OPCML: variants seen among roughly 807,000 people sequenced by gnomAD.
OPCML encodes the protein opioid-binding protein/cell adhesion molecule.
In OPCML, 13 loss-of-function variants were observed where a neutral mutation model predicts 37.8. The observed-to-expected ratio is 0.34, with a 90% CI of 0.22 to 0.55. The LOEUF (loss-of-function observed/expected upper bound fraction) is 0.55. Among genes scored for constraint, OPCML ranks in the 20% least tolerant of loss-of-function variants. The pLI, the probability that OPCML is intolerant of heterozygous loss-of-function variation, is 0.91. For synonymous variants in OPCML, 176 were observed against 168.8 expected (o/e 1.04, Z -0.33); for missense variants, 341 against 435.6 (o/e 0.78, Z 1.93).
At chr11:132,619,757 C>A (rs1252633026) in intron 3 of OPCML, among the ~76,000 whole-genome samples, 2 of 148,108 alleles carry the variant, frequency 1.4e-5, no homozygotes, top group East Asian at 4.0e-4. Flanking sequence ...GAGGCTGAGG[C>A]AGGAGAATGG....
At chr11:133,292,641 A>T (rs1309308860) in intron 1 of OPCML, among the ~76,000 whole-genome samples, 1 of 152,220 alleles carries the variant, frequency 6.6e-6, no homozygotes, top group Non-Finnish European at 1.5e-5. Context: ...ATTTCCAGCC[A>T]GTGCTCCTCC....
chr11:133,524,713 C>T (rs143654711), intron 1 of OPCML, among the ~76,000 whole-genome samples: 4 of 152,328 alleles, frequency 2.6e-5, no homozygotes, highest in Non-Finnish European at 5.9e-5. Flanking sequence ...TGGTCGGTAG[C>T]TCAGAGCTGG....
chr11:132,910,184 A>C (rs1457945872), intron 2 of OPCML, among the ~76,000 whole-genome samples: 1 of 152,204 alleles, frequency 6.6e-6, no homozygotes, highest in Non-Finnish European at 1.5e-5. Context: ...CCGCAGGACA[A>C]AGGTAAATCT....
chr11:133,092,060 T>G (rs1213126371), intron 1 of OPCML, among the ~76,000 whole-genome samples: 1 of 152,122 alleles, frequency 6.6e-6, no homozygotes, highest in Non-Finnish European at 1.5e-5. Context: ...CCCTCATGAA[T>G]GAGATTAGCA....
At chr11:132,993,047 C>A (rs989235852) in intron 1 of OPCML, among the ~76,000 whole-genome samples, 5 of 152,146 alleles carry the variant, frequency 3.3e-5, no homozygotes, top group Non-Finnish European at 5.9e-5. Context: ...CAGCCCCAGG[C>A]TCCTCTGCAG....
chr11:133,483,301 G>A (rs1947418254), intron 1 of OPCML, among the ~76,000 whole-genome samples: 1 of 147,330 alleles, frequency 6.8e-6, no homozygotes, highest in African/African-American at 2.6e-5. Flanking sequence ...CACTAGAGCT[G>A]ATAGATAGGC....
intron 1 of OPCML, among the ~76,000 whole-genome samples, chr11:133,044,698 G>T (rs904334848): frequency 2.0e-5 from 3 of 152,220 alleles, no homozygotes; most frequent in Non-Finnish European, 2.9e-5. Flanking sequence ...GAGCGGTGAA[G>T]TAGCTTGCCC....
rs561030320 is a variant in OPCML at position 132,869,711 on chromosome 11, G to A, written c.146+73215C>T. Among the ~76,000 whole-genome samples the A allele has an allele frequency of 2.3e-4, 35 of 152,198 alleles. 1 individual carries two copies. The South Asian group carries it at 7.3e-3, about 32-fold the overall frequency. On this transcript the variant is annotated intron_variant, in intron 2 of 7. Coordinates refer to ENST00000524381, the MANE Select transcript of OPCML (RefSeq NM_001012393.5). Reference sequence around the variant, plus strand: ...CATTTTCTCAGCTAAATTCTGAAAGGACAAAACTGTTTTAGCTAATTGTGC... The same window carrying A: ...CATTTTCTCAGCTAAATTCTGAAAGAACAAAACTGTTTTAGCTAATTGTGC...
At chr11:133,043,714 AC>A (rs1375914430) in intron 1 of OPCML, among the ~76,000 whole-genome samples, 2 of 152,168 alleles carry the variant, frequency 1.3e-5, no homozygotes, top group Non-Finnish European at 2.9e-5. Context: ...GCGTGCGGTT[AC>A]TTTTATGTGC....
chr11:132,639,684 C>T (rs758057480), intron 3 of OPCML, among the ~76,000 whole-genome samples: 16 of 152,178 alleles, frequency 1.1e-4, no homozygotes, highest in African/African-American at 1.4e-4. Context: ...TCCAAAGAGA[C>T]CTTTCCTGCT....
At chr11:132,978,563 C>T (rs1478719269) in intron 1 of OPCML, among the ~76,000 whole-genome samples, 1 of 152,108 alleles carries the variant, frequency 6.6e-6, no homozygotes, top group Non-Finnish European at 1.5e-5. Flanking sequence ...CGGGGGTCTG[C>T]AAGGTGTGGC....
intron 2 of OPCML, among the ~76,000 whole-genome samples, chr11:132,872,982 A>C (rs1177073010): frequency 1.3e-5 from 2 of 151,714 alleles, no homozygotes; most frequent in Non-Finnish European, 2.9e-5. Context: ...TAATATACAC[A>C]CATCTATCCT....
intron 3 of OPCML, among the ~76,000 whole-genome samples, chr11:132,549,846 T>A (rs1229329996): frequency 6.6e-6 from 1 of 152,160 alleles, no homozygotes; most frequent in Non-Finnish European, 1.5e-5. Flanking sequence ...CCTATGTAAA[T>A]CAGAGCCCAC....
chr11:133,222,650 G>A (rs562576972), intron 1 of OPCML, among the ~76,000 whole-genome samples: 1 of 152,356 alleles, frequency 6.6e-6, no homozygotes, highest in East Asian at 1.9e-4. Flanking sequence ...GTCCAGCTCT[G>A]TCTGGCCTCT....
At chr11:133,048,664 A>G (rs1484121793) in intron 1 of OPCML, among the ~76,000 whole-genome samples, 1 of 152,178 alleles carries the variant, frequency 6.6e-6, no homozygotes, top group Non-Finnish European at 1.5e-5. Flanking sequence ...GTTCTTACTG[A>G]CAAGATACCC....
chr11:132,612,626 A>G (rs1410313218), intron 3 of OPCML, among the ~76,000 whole-genome samples: 2 of 152,194 alleles, frequency 1.3e-5, no homozygotes. Flanking sequence ...AAAATGGGTC[A>G]AATTGGGAAT....
intron 1 of OPCML, among the ~76,000 whole-genome samples, chr11:133,281,690 A>G (rs911621774): frequency 1.3e-5 from 2 of 152,038 alleles, no homozygotes; most frequent in Non-Finnish European, 2.9e-5. Flanking sequence ...AGAAGAAGAC[A>G]GGAAGATGAG....
chr11:133,027,826 G>GGCGTGTGT (rs1565405488), intron 1 of OPCML, among the ~76,000 whole-genome samples: 2 of 29,000 alleles, frequency 6.9e-5, no homozygotes, highest in Non-Finnish European at 2.0e-4. Context: ...GGGATGTGGG[G>GGCGTGTGT]GGAGGTGGGG....
chr11:133,072,664 G>A (rs1401305208), intron 1 of OPCML, among the ~76,000 whole-genome samples: 2 of 152,182 alleles, frequency 1.3e-5, no homozygotes, highest in African/African-American at 2.4e-5. Flanking sequence ...ACGTATTGGA[G>A]AGGAGTTCGG....
Sources: allele counts gnomAD v4.1 joint callset (sites outside exome capture counted in the v4.1 genomes callset), GRCh38; gene constraint gnomAD v4.1.1; transcripts MANE v1.5; gene names NCBI Gene and HGNC (gene_info 2026-07-23, HGNC 2026-07-21).